NET1: variants seen among roughly 807,000 people sequenced by gnomAD.
The protein encoded by NET1 is neuroepithelial cell-transforming gene 1 protein.
Under a neutral mutation model 61.1 loss-of-function variants are expected in NET1, and 42 were observed. The observed-to-expected ratio is 0.69, with a 90% CI of 0.54 to 0.89. The LOEUF is 0.89. NET1 is among the 40% of genes least tolerant of loss of function. The pLI is 0.00. For missense variants in NET1, 654 were observed against 747.3 expected (o/e 0.88, Z 1.46); for synonymous variants, 254 against 281.8 (o/e 0.90, Z 0.99).
In NET1 at chr10:5,455,034, C is replaced by T; in HGVS notation, c.1113C>T (p.Tyr371=). 6.2e-7 allele frequency: 1 copy of T among 1,614,044 alleles called. No individual in the cohort carries two copies. The highest frequency in any genetic ancestry group is 8.5e-7 in the Non-Finnish European group (1 of 1,180,006). Reference sequence around the variant, plus strand: ...AGTATTACATCGACAAGCTGGAGTACCTGGATGAAAAGCAGAGGGACCCCA... The same window carrying T: ...AGTATTACATCGACAAGCTGGAGTATCTGGATGAAAAGCAGAGGGACCCCA... ...ECQYYIDKLE[Y]LDEKQRDPRI... Residue 371 remains tyrosine (Y), a synonymous_variant, in exon 10 of 12, where the codon TAC becomes TAT. Transcript: ENST00000355029. The surrounding 1 kb of genome is among the most constrained non-coding windows in gnomAD (Gnocchi z 6.5).
rs1832809961 is a variant in NET1, at chr10:5,456,838, T to C, written c.1635T>C (p.Thr545=). ...GGGCATCCACAGTTTCCAGTGTTAC[T>C]CAGGTAGAAGTTGATGAAAACGCTT... ...QRRASTVSSV[T]QVEVDENAYR... Residue 545 remains threonine (T), a synonymous_variant, in exon 12 of 12, where the codon ACT becomes ACC. Transcript: ENST00000355029. The surrounding 1 kb of genome is among the most constrained non-coding windows in gnomAD (Gnocchi z 7.0). 4 of 1,613,858 alleles carry C rather than the reference T, an allele frequency of 2.5e-6. No homozygotes were observed. The highest frequency in any genetic ancestry group is 1.7e-5 in the Admixed American group (1 of 59,952).
chr10:5,432,022 G>C (rs1056083479), intron 3 of NET1, among the ~76,000 whole-genome samples: 10 of 152,042 alleles, frequency 6.6e-5, no homozygotes, highest in Admixed American at 3.9e-4. Context: ...TGGCTTAATA[G>C]CCTCCTTGTC....
At chr10:5,425,216 T>G (rs1832240759) in intron 1 of NET1, among the ~76,000 whole-genome samples, 1 of 152,166 alleles carries the variant, frequency 6.6e-6, no homozygotes, top group Non-Finnish European at 1.5e-5. Flanking sequence ...CCAGACCTCC[T>G]CTTTTACCTT....
chr10:5,414,447 T>C (rs989683434), intron 1 of NET1, among the ~76,000 whole-genome samples: 1 of 152,212 alleles, frequency 6.6e-6, no homozygotes, highest in Non-Finnish European at 1.5e-5. Context: ...TGTGCACATA[T>C]ACATAAACAT....
intron 3 of NET1, among the ~76,000 whole-genome samples, chr10:5,430,574 C>T (rs1286525432): frequency 6.6e-6 from 1 of 151,886 alleles, no homozygotes; most frequent in Non-Finnish European, 1.5e-5. Context: ...AGGGTTTTGC[C>T]ATGTTGTCCA....
Position 5,456,638 on chromosome 10 carries a change from C to T in NET1, c.1435C>T (p.His479Tyr). The T allele has an allele frequency of 3.1e-6, 5 of 1,607,458 alleles. No individual in the cohort carries two copies. Among genetic ancestry groups the T allele is most frequent in the Non-Finnish European group, 4.2e-6 (5 of 1,176,954 alleles). The part of the protein sequence containing the change: ...RFHDPSPAQS[H>Y]TLQANDVFHK... ...CCATGACCCCTCTCCAGCCCAGTCTCACACTCTGCAAGCCAATGACGTGTT... is the reference window on the plus strand; with the variant it reads ...CCATGACCCCTCTCCAGCCCAGTCTTACACTCTGCAAGCCAATGACGTGTT... The change falls in exon 12 of 12, where the codon CAC (histidine) becomes TAC (tyrosine). Residue 479 changes from histidine to tyrosine, a missense_variant. His to Tyr is a moderately conservative substitution (Grantham distance 83). Coordinates refer to ENST00000355029, the MANE Select transcript of NET1 (RefSeq NM_001047160.3). This position sits in a 1 kb window ranked among gnomAD's most constrained non-coding sequence, Gnocchi z 7.0.
In NET1 at chr10:5,426,648, T is replaced by C; in HGVS notation, c.129-7T>C. On this transcript the variant is annotated splice_region_variant and splice_polypyrimidine_tract_variant and intron_variant, in intron 1 of 11. Transcript: ENST00000355029. This position sits in a 1 kb window ranked among gnomAD's most constrained non-coding sequence, Gnocchi z 4.6. The stretch of plus-strand genomic sequence containing the variant: ...CTTTATTTATTGTTTGAATTTTCCA[T>C]TAATAGATGTTCCCTTCGGAGAGGC... 3 of 1,600,516 alleles carry C rather than the reference T, an allele frequency of 1.9e-6. No individual in the cohort carries two copies. The highest frequency in any genetic ancestry group is 2.6e-6 in the Non-Finnish European group (3 of 1,172,792).
At chr10:5,433,340 A>G (rs138770451) in intron 3 of NET1, among the ~76,000 whole-genome samples, 2 of 152,102 alleles carry the variant, frequency 1.3e-5, no homozygotes, top group African/African-American at 2.4e-5. Context: ...TGATCTCTCT[A>G]TGTTTTGTTT....
Position 5,456,570 on chromosome 10 carries a change from TCCA to T in NET1, c.1385-17_1385-15del. The T allele has an allele frequency of 6.6e-7, 1 of 1,514,932 alleles. No homozygotes were observed. The highest frequency in any genetic ancestry group is 1.3e-5 in the South Asian group (1 of 74,796). The allele number at this position is 1,514,932 out of a possible 1,614,324, so 93.8% of individuals were successfully genotyped here. A position where few individuals can be genotyped will look rare whatever the true frequency, so the allele number is the denominator to read the frequency against. ...TTTTTAGCCTGATTTCTTTTTTTTT[TCCA>T]ATTTTTTTTTTCAGCTAAAAATATC... is the stretch of plus-strand genomic sequence containing the variant. On this transcript the variant is annotated splice_polypyrimidine_tract_variant and intron_variant, in intron 11 of 11. Transcript: ENST00000355029. The surrounding 1 kb of genome is among the most constrained non-coding windows in gnomAD (Gnocchi z 7.0).
rs1288122110 is a variant in NET1, at chr10:5,423,154, C to T, written c.129-3501C>T. Among the ~76,000 whole-genome samples, 1 of 152,144 alleles carries T rather than the reference C, an allele frequency of 6.6e-6. No individual in the cohort carries two copies. Among genetic ancestry groups the T allele is most frequent in the Non-Finnish European group, 1.5e-5 (1 of 68,000 alleles). On this transcript the variant is annotated intron_variant, in intron 1 of 11. Transcript: ENST00000355029. The surrounding 1 kb of genome is among the most constrained non-coding windows in gnomAD (Gnocchi z 4.4). The stretch of plus-strand genomic sequence containing the variant: ...AAAATCTTTTTCTGAAACTCGTTTT[C>T]ATTCTACATCCATTTTTTATGGTGA...
In NET1 at chr10:5,452,576, G is replaced by A. The variant is rs1466016181; in HGVS notation, c.531+51G>A. The A allele has an allele frequency of 1.9e-6, 3 of 1,542,790 alleles. No homozygotes were observed. The highest frequency in any genetic ancestry group is 2.6e-6 in the Non-Finnish European group (3 of 1,136,426). ...TTTCCCAAAAGAACAGCAAATTGAT[G>A]CCGATGGCAAAATTAACTTGGATTT... On this transcript the variant is annotated intron_variant, in intron 5 of 11. Coordinates refer to ENST00000355029, the MANE Select transcript of NET1 (RefSeq NM_001047160.3). The surrounding 1 kb of genome is among the most constrained non-coding windows in gnomAD (Gnocchi z 4.0).
chr10:5,458,243 C>T lies in NET1; in HGVS notation c.*1249C>T, dbSNP rs1424736804. ...AAAAAGACTGGTGAATCTTTTATTA[C>T]AAAATGTTTCTGTTAAAATGGGATC... On this transcript the variant is annotated 3_prime_UTR_variant, in exon 12 of 12. Transcript: ENST00000355029. The surrounding 1 kb of genome is among the most constrained non-coding windows in gnomAD (Gnocchi z 4.5). 1 of 152,028 alleles carries T rather than the reference C, an allele frequency of 6.6e-6. No individual in the cohort carries two copies. Among genetic ancestry groups the T allele is most frequent in the Non-Finnish European group, 1.5e-5 (1 of 67,992 alleles). The allele number at this position is 152,028 out of a possible 1,614,324, so 9.4% of individuals were successfully genotyped here.
In NET1 at chr10:5,447,330, A is replaced by G. The variant is rs982312311; in HGVS notation, c.256-4500A>G. 6.6e-6 allele frequency among the ~76,000 whole-genome samples: 1 copy of G among 152,180 alleles called. No individual in the cohort carries two copies. Among genetic ancestry groups the G allele is most frequent in the Non-Finnish European group, 1.5e-5 (1 of 68,036 alleles). On this transcript the variant is annotated intron_variant, in intron 3 of 11. Transcript: ENST00000355029. The surrounding 1 kb of genome is among the most constrained non-coding windows in gnomAD (Gnocchi z 4.1). ...TTCATTGTATGCCACTTTTTTCTTC[A>G]GAAGGAAAGAGGCATGTTAGAATAT... is the stretch of plus-strand genomic sequence containing the variant.
chr10:5,457,003 CTG>C lies in NET1; in HGVS notation c.*15_*16del, dbSNP rs773281679. On this transcript the variant is annotated 3_prime_UTR_variant, in exon 12 of 12. Coordinates refer to ENST00000355029, the MANE Select transcript of NET1 (RefSeq NM_001047160.3). The surrounding 1 kb of genome is among the most constrained non-coding windows in gnomAD (Gnocchi z 5.4). ...AAGAGACTTTGGTGTAGAGAAGGCT[CTG>C]TGTGTTAACTGATGGGAGAGACTGT... is the stretch of plus-strand genomic sequence containing the variant. 26 of 1,535,088 alleles carry C rather than the reference CTG, an allele frequency of 1.7e-5. No individual in the cohort carries two copies. The highest frequency in any genetic ancestry group is 2.2e-5 in the Non-Finnish European group (25 of 1,141,940).
At position 5,428,038 on chromosome 10, in the gene NET1, CTTTTT is replaced by C. The variant is rs57698527; in HGVS notation, c.196-1107_196-1103del. 5.7e-4 allele frequency among the ~76,000 whole-genome samples: 65 copies of C among 113,832 alleles called. 2 individuals are homozygous for C. The highest frequency in any genetic ancestry group is 8.2e-4 in the African/African-American group (24 of 29,370). 74.7% of individuals were successfully genotyped at this position (113,832 alleles called of 152,430 possible). On this transcript the variant is annotated intron_variant, in intron 2 of 11. Transcript: ENST00000355029. ...CACTTCTATCTGGACTTTGCCGTTC[CTTTTT>C]TTTTTTTTTTTTTTTTTTTTTTTTC...
Position 5,452,278 on chromosome 10 carries a change from CT to C in NET1, c.364-77del. The stretch of plus-strand genomic sequence containing the variant: ...ATTCTCAGAACTTTGTCTTTCTTCA[CT>C]TTAAAAAAAAAGAAAATGGGAATAA... On this transcript the variant is annotated intron_variant, in intron 4 of 11. Transcript: ENST00000355029. This position sits in a 1 kb window ranked among gnomAD's most constrained non-coding sequence, Gnocchi z 4.0. 7.7e-7 allele frequency: 1 copy of C among 1,294,738 alleles called. No individual in the cohort carries two copies. The highest frequency in any genetic ancestry group is 1.0e-6 in the Non-Finnish European group (1 of 984,798). 80.2% of individuals were successfully genotyped at this position (1,294,738 alleles called of 1,614,324 possible). A position where few individuals can be genotyped will look rare whatever the true frequency, so the allele number is the denominator to read the frequency against.
intron 3 of NET1, among the ~76,000 whole-genome samples, chr10:5,436,184 TGTTGTGTGTGTGTGTGTGTGTGTGTGTG>T (rs1382058904): frequency 3.4e-5 from 2 of 58,746 alleles, no homozygotes; most frequent in South Asian, 7.5e-4. Context: ...TGTGTGTGTG[TGTTGTGTGTGTGTGTGTGTGTGTGTGTG>T]TGTGTGTGTG....
rs1832067208 is a variant in NET1, at chr10:5,415,513, C to T, written c.128+2693C>T. On this transcript the variant is annotated intron_variant, in intron 1 of 11. Coordinates refer to ENST00000355029, the MANE Select transcript of NET1 (RefSeq NM_001047160.3). The surrounding 1 kb of genome is among the most constrained non-coding windows in gnomAD (Gnocchi z 4.7). ...GGAGTACAGTGGCATGATCTCGGCTCACTGCAACCTCCGCCTCCCGGGTTC... is the reference window on the plus strand; with the variant it reads ...GGAGTACAGTGGCATGATCTCGGCTTACTGCAACCTCCGCCTCCCGGGTTC... Among the ~76,000 whole-genome samples the T allele has an allele frequency of 6.6e-6, 1 of 150,788 alleles. No individual in the cohort carries two copies. Among genetic ancestry groups the T allele is most frequent in the African/African-American group, 2.4e-5 (1 of 40,968 alleles).
intron 3 of NET1, among the ~76,000 whole-genome samples, chr10:5,448,671 G>GGTTTTT (rs1221324010): frequency 3.4e-5 from 1 of 29,674 alleles, no homozygotes; most frequent in Non-Finnish European, 5.8e-5. Context: ...TGGATTTTTG[G>GGTTTTT]ATTTTTTTTT....
Sources: allele counts gnomAD v4.1 joint callset (sites outside exome capture counted in the v4.1 genomes callset), GRCh38; gene constraint gnomAD v4.1.1; non-coding constraint Gnocchi (gnomAD v3.1); transcripts MANE v1.5; gene names NCBI Gene and HGNC (gene_info 2026-07-23, HGNC 2026-07-21).